NEXN: variants seen among roughly 807,000 people sequenced by gnomAD.
The protein encoded by NEXN is nexilin.
NEXN carries 65 observed loss-of-function variants against 92.6 expected under a neutral mutation model. The observed-to-expected ratio is 0.70, with a 90% CI of 0.57 to 0.86. The LOEUF is 0.86. NEXN is among the 40% of genes least tolerant of loss of function. The pLI is 0.00. For synonymous variants in NEXN, 254 were observed against 242.5 expected (o/e 1.05, Z -0.44); for missense variants, 778 against 771.1 (o/e 1.01, Z -0.11).
At chr1:77,902,850 T>C (rs938743581) in intron 1 of NEXN, among the ~76,000 whole-genome samples, 1 of 152,100 alleles carries the variant, frequency 6.6e-6, no homozygotes, top group African/African-American at 2.4e-5. Flanking sequence ...AAAACAACCA[T>C]GTTTAAGATG....
At chr1:77,895,543 A>G (rs139070433) in intron 1 of NEXN, among the ~76,000 whole-genome samples, 152 of 152,304 alleles carry the variant, frequency 1.0e-3, no homozygotes, top group African/African-American at 3.6e-3. Context: ...TACTTGTAGC[A>G]TATAGTTAAG....
intron 4 of NEXN, 43 bp downstream of exon 4, chr1:77,918,081 A>G: frequency 6.2e-7 from 1 of 1,612,870 alleles, no homozygotes; most frequent in Non-Finnish European, 8.5e-7. Context: ...ATTGCAAAAT[A>G]GAAACATAAC....
intron 1 of NEXN, among the ~76,000 whole-genome samples, chr1:77,909,348 A>G (rs943954865): frequency 1.3e-5 from 2 of 152,158 alleles, no homozygotes; most frequent in African/African-American, 4.8e-5. Context: ...TGAACCCGGG[A>G]GACAGAAGTT....
At chr1:77,935,729 G>T in intron 10 of NEXN, 94 bp from the exon 11 acceptor site, 2 of 1,094,730 alleles carry the variant, frequency 1.8e-6, no homozygotes, top group South Asian at 2.7e-5. Flanking sequence ...GAGGCAGGAG[G>T]ATTGCTTAAA....
intron 11 of NEXN, 43 bp downstream of exon 11, chr1:77,936,087 A>C: frequency 7.1e-7 from 1 of 1,405,324 alleles, no homozygotes; most frequent in Non-Finnish European, 1.0e-6. Context: ...TACAGTAATG[A>C]TAATAAATTT....
intron 1 of NEXN, among the ~76,000 whole-genome samples, chr1:77,901,662 A>T (rs1647723302): frequency 1.3e-5 from 2 of 152,160 alleles, no homozygotes; most frequent in South Asian, 4.1e-4. Context: ...CCACCTTAGG[A>T]TCCTCAATAA....
intron 1 of NEXN, among the ~76,000 whole-genome samples, chr1:77,912,618 C>T (rs745615336): frequency 1.2e-4 from 18 of 152,020 alleles, no homozygotes; most frequent in Non-Finnish European, 2.2e-4. Context: ...TCAATGAAAC[C>T]GAATAGAGAG....
chr1:77,942,264 T>A, intron 12 of NEXN, 56 bp downstream of exon 12: 1 of 1,559,894 alleles, frequency 6.4e-7, no homozygotes, highest in Non-Finnish European at 8.8e-7. Flanking sequence ...AACCCATAGT[T>A]TTATAATTAG....
At position 77,933,522 on chromosome 1, in the gene NEXN, C is replaced by G. The variant is rs4483454; in HGVS notation, c.1251+43C>G. ...ATCTATATTCCCCATATTTATTAAG[C>G]TAAATATTTTACTTATATCACCTTA... is the stretch of plus-strand genomic sequence containing the variant. On this transcript the variant is annotated intron_variant, in intron 10 of 12. Transcript: ENST00000334785. The G allele has an allele frequency of 0.79, 1,044,695 of 1,326,822 alleles. 416,457 individuals are homozygous for G. The highest frequency in any genetic ancestry group is 0.82 in the Non-Finnish European group (766,958 of 931,476). 82.2% of individuals were successfully genotyped at this position (1,326,822 alleles called of 1,614,324 possible). A position where few individuals can be genotyped will look rare whatever the true frequency, so the allele number is the denominator to read the frequency against.
rs1382033053 is a variant in NEXN at position 77,943,332 on chromosome 1, CTGAGA to C, written c.*505_*509del. ...TACACCTAAAATTAGGCTGAAATAG[CTGAGA>C]TAATTAATTTGGAACCTATCAATTT... On this transcript the variant is annotated 3_prime_UTR_variant, in exon 13 of 13. Coordinates refer to ENST00000334785, the MANE Select transcript of NEXN (RefSeq NM_144573.4). 5.7e-6 allele frequency: 1 copy of C among 175,780 alleles called. No individual in the cohort carries two copies. The highest frequency in any genetic ancestry group is 1.2e-5 in the Non-Finnish European group (1 of 82,660). 10.9% of individuals were successfully genotyped at this position (175,780 alleles called of 1,614,324 possible). A position where few individuals can be genotyped will look rare whatever the true frequency, so the allele number is the denominator to read the frequency against.
chr1:77,923,661 A>G (rs1297149743), intron 5 of NEXN, among the ~76,000 whole-genome samples: 1 of 149,658 alleles, frequency 6.7e-6, no homozygotes. Flanking sequence ...CTTATGAGTA[A>G]TGGGTAAATT....
rs778075640 is a variant in NEXN at position 77,933,446 on chromosome 1, A to C, written c.1218A>C (p.Gln406His). 1.1e-5 allele frequency: 17 copies of C among 1,613,290 alleles called. No individual in the cohort carries two copies. Among genetic ancestry groups the C allele is most frequent in the Non-Finnish European group, 1.4e-5 (17 of 1,179,408 alleles). Residue 406 changes from glutamine (Q) to histidine (H), a missense_variant, in exon 10 of 13, where the codon CAA becomes CAC. Physicochemically the swap from Gln to His is conservative, Grantham distance 24. Transcript: ENST00000334785. ...ERKHKLEMEK[Q>H]EFEQLRQEMG... Reference sequence around the variant, plus strand: ...AGCATAAGCTAGAAATGGAGAAACAAGAATTTGAACAACTGAGACAGGAAA... The same window carrying C: ...AGCATAAGCTAGAAATGGAGAAACACGAATTTGAACAACTGAGACAGGAAA...
rs185383488 is a variant in NEXN at position 77,902,200 on chromosome 1, A to G, written c.-53+13441A>G. On this transcript the variant is annotated intron_variant, in intron 1 of 12. Coordinates refer to ENST00000334785, the MANE Select transcript of NEXN (RefSeq NM_144573.4). ...CATACTCATCACTCTAAATTTATAA[A>G]GCATATGAAAATCACCTAGTTTATG... 6.6e-3 allele frequency among the ~76,000 whole-genome samples: 1,012 copies of G among 152,290 alleles called. 10 individuals carry two copies. Among genetic ancestry groups the G allele is most frequent in the African/African-American group, 0.023 (955 of 41,560 alleles).
chr1:77,889,211 A>C (rs1035108348), intron 1 of NEXN: 3 of 152,464 alleles, frequency 2.0e-5, no homozygotes, highest in Non-Finnish European at 2.9e-5. Flanking sequence ...CACTTGCCCC[A>C]GCCGCGGTCT....
chr1:77,942,483 A>G lies in NEXN; in HGVS notation c.1682A>G (p.Glu561Gly). ...LQKKREEEEE[E>G]EGSIMNGSTA... is the part of the protein sequence containing the mutation. ...CAGAAAAGAGAAGAGGAGGAGGAGG[A>G]AGAAGGTAGCATCATGAATGGCTCC... The change falls in exon 13 of 13, where the codon GAA (glutamate) becomes GGA (glycine). Residue 561 changes from glutamate (E) to glycine (G), a missense_variant. By Grantham distance (98) the Glu-to-Gly change is moderately conservative. This residue lies in a region of NEXN where 532 missense variants were observed against 476.7 expected (regional missense o/e 1.12). Coordinates refer to ENST00000334785, the MANE Select transcript of NEXN (RefSeq NM_144573.4). 1.2e-6 allele frequency: 2 copies of G among 1,613,840 alleles called. No individual in the cohort carries two copies. The highest frequency in any genetic ancestry group is 8.5e-7 in the Non-Finnish European group (1 of 1,179,806).
rs1260132765 is a variant in NEXN, at chr1:77,943,091, TAAG to T, written c.*263_*265del. The T allele has an allele frequency of 4.4e-6, 2 of 452,430 alleles. No homozygotes were observed. The highest frequency in any genetic ancestry group is 8.3e-6 in the Non-Finnish European group (2 of 241,862). The allele number at this position is 452,430 out of a possible 1,614,324, so 28.0% of individuals were successfully genotyped here. A position where few individuals can be genotyped will look rare whatever the true frequency, so the allele number is the denominator to read the frequency against. On this transcript the variant is annotated 3_prime_UTR_variant, in exon 13 of 13. Coordinates refer to ENST00000334785, the MANE Select transcript of NEXN (RefSeq NM_144573.4). ...AAAGAATGCCTACTTCTTTTCCAAA[TAAG>T]CATCAGATTTATCGCCTATTATGCA...
chr1:77,942,467 G>C lies in NEXN; in HGVS notation c.1666G>C (p.Glu556Gln), dbSNP rs1474810495. ...TGCATTTATTTTAATACAGAAAAGA[G>C]AAGAGGAGGAGGAGGAAGAAGGTAG... ...EIDAALQKKR[E>Q]EEEEEEGSIM... The change falls in exon 13 of 13, where the codon GAA (glutamate) becomes CAA (glutamine). Residue 556 changes from glutamate to glutamine, a missense_variant. Physicochemically the swap from Glu to Gln is conservative, Grantham distance 29. This residue lies in a region of NEXN where 532 missense variants were observed against 476.7 expected (regional missense o/e 1.12). Coordinates refer to ENST00000334785, the MANE Select transcript of NEXN (RefSeq NM_144573.4). The C allele has an allele frequency of 2.3e-5, 37 of 1,613,546 alleles. No individual in the cohort carries two copies. The highest frequency in any genetic ancestry group is 3.1e-5 in the Non-Finnish European group (36 of 1,179,710).
intron 1 of NEXN, among the ~76,000 whole-genome samples, chr1:77,904,993 G>A (rs997441897): frequency 6.6e-6 from 1 of 152,232 alleles, no homozygotes; most frequent in African/African-American, 2.4e-5. Flanking sequence ...GCCAGGCATG[G>A]TGGCTCACGC....
At position 77,942,074 on chromosome 1, in the gene NEXN, C is replaced by A. The variant is rs1287888920; in HGVS notation, c.1525C>A (p.His509Asn). 4 of 1,613,588 alleles carry A rather than the reference C, an allele frequency of 2.5e-6. No individual in the cohort carries two copies. Among genetic ancestry groups the A allele is most frequent in the Non-Finnish European group, 3.4e-6 (4 of 1,179,682 alleles). The change falls in exon 12 of 13, where the codon CAC (histidine) becomes AAC (asparagine). Residue 509 changes from histidine (H) to asparagine (N), a missense_variant. Physicochemically the swap from His to Asn is moderately conservative, Grantham distance 68 (BLOSUM62 1). This residue lies in a region of NEXN where 532 missense variants were observed against 476.7 expected (regional missense o/e 1.12). Coordinates refer to ENST00000334785, the MANE Select transcript of NEXN (RefSeq NM_144573.4). ...PARKSEAPFT[H>N]KVNMKARFEQ... ...AAGAAAAAGCGAGGCTCCATTTACTCACAAAGTGAATATGAAAGCTAGATT... is the reference window on the plus strand; with the variant it reads ...AAGAAAAAGCGAGGCTCCATTTACTAACAAAGTGAATATGAAAGCTAGATT...
Sources: gnomAD v4.1 joint callset for allele counts (sites outside exome capture counted in the v4.1 genomes callset) on GRCh38, gnomAD v4.1.1 for gene constraint, gnomAD v4.1.1 regional missense constraint, MANE v1.5 for transcripts, NCBI Gene and HGNC (gene_info 2026-07-23, HGNC 2026-07-21) for gene names.